The following WWOX variants were observed in gnomAD, a reference collection of about 807,000 sequenced individuals.
WWOX encodes WW domain-containing oxidoreductase.
In WWOX, 69 loss-of-function variants were observed where a neutral mutation model predicts 46.2. That is an observed-to-expected ratio of 1.49 (90% CI 1.23 to 1.82). The LOEUF (loss-of-function observed/expected upper bound fraction) is 1.82. WWOX is among the 40% of genes most tolerant of loss of function. The pLI, the probability that WWOX is intolerant of heterozygous loss-of-function variation, is 0.00. For synonymous variants in WWOX, 359 were observed against 202.6 expected, an observed-to-expected ratio of 1.77 and a Z score of -6.56; for missense variants, 919 against 542.6, an observed-to-expected ratio of 1.69 and a Z score of -6.89.
intron 8 of WWOX, among the ~76,000 whole-genome samples, chr16:78,588,709 C>T (rs1317602496): frequency 6.6e-6 from 1 of 152,160 alleles, no homozygotes; most frequent in Non-Finnish European, 1.5e-5. Flanking sequence ...TTAACATCTG[C>T]TAAGAGTATG....
chr16:78,898,350 T>C (rs549877295), intron 8 of WWOX: 2 of 152,278 alleles, frequency 1.3e-5, no homozygotes, highest in East Asian at 3.9e-4. Context: ...GGTTTATTTT[T>C]CTCTCCATAA....
At chr16:78,859,114 G>A (rs1161049313) in intron 8 of WWOX, among the ~76,000 whole-genome samples, 4 of 133,818 alleles carry the variant, frequency 3.0e-5, no homozygotes, top group South Asian at 2.6e-4. Context: ...AACTATAATC[G>A]ATGAAGTGGC....
At chr16:78,226,207 G>C (rs1171366692) in intron 5 of WWOX, among the ~76,000 whole-genome samples, 1 of 152,008 alleles carries the variant, frequency 6.6e-6, no homozygotes, top group African/African-American at 2.4e-5. Context: ...CTCTAATTCT[G>C]CCCTCTCCAG....
intron 8 of WWOX, among the ~76,000 whole-genome samples, chr16:79,172,390 C>G (rs771236098): frequency 2.6e-5 from 4 of 152,146 alleles, no homozygotes; most frequent in Non-Finnish European, 4.4e-5. Context: ...AAACCTGTAT[C>G]TGAGTCACTT....
intron 8 of WWOX, among the ~76,000 whole-genome samples, chr16:79,034,838 G>C (rs1303690753): frequency 6.6e-6 from 1 of 152,112 alleles, no homozygotes; most frequent in African/African-American, 2.4e-5. Flanking sequence ...CTCCCGAGTA[G>C]TGTATTAGGC....
At chr16:78,617,444 C>G (rs1414646939) in intron 8 of WWOX, among the ~76,000 whole-genome samples, 1 of 151,194 alleles carries the variant, frequency 6.6e-6, no homozygotes, top group Non-Finnish European at 1.5e-5. Flanking sequence ...GGCTTTGCTG[C>G]TTTGCCTAAG....
chr16:78,731,896 G>A (rs576487058), intron 8 of WWOX, among the ~76,000 whole-genome samples: 11 of 138,872 alleles, frequency 7.9e-5, no homozygotes, highest in Non-Finnish European at 1.4e-4. Flanking sequence ...AGCCCAAGCT[G>A]GAGTGCAGTG....
chr16:78,561,502 C>T (rs1483657948), intron 8 of WWOX, among the ~76,000 whole-genome samples: 4 of 151,988 alleles, frequency 2.6e-5, no homozygotes, highest in Non-Finnish European at 5.9e-5. Flanking sequence ...TGAATTGACT[C>T]AGTAACTGGA....
chr16:78,152,501 C>T (rs989563819), intron 4 of WWOX, among the ~76,000 whole-genome samples: 28 of 152,252 alleles, frequency 1.8e-4, no homozygotes, highest in African/African-American at 6.3e-4. Flanking sequence ...CATTTCCTAT[C>T]CCCCATCCCT....
At chr16:78,672,565 C>G (rs947159496) in intron 8 of WWOX, among the ~76,000 whole-genome samples, 1 of 152,230 alleles carries the variant, frequency 6.6e-6, no homozygotes, top group African/African-American at 2.4e-5. Context: ...GAAGTCATTG[C>G]ATCTCCAAAC....
chr16:78,360,014 G>T (rs1479331686), intron 5 of WWOX, among the ~76,000 whole-genome samples: 1 of 152,110 alleles, frequency 6.6e-6, no homozygotes, highest in Non-Finnish European at 1.5e-5. Context: ...CAGAATTTTG[G>T]ATTTCAGGAA....
At chr16:78,563,239 C>G (rs2044481444) in intron 8 of WWOX, among the ~76,000 whole-genome samples, 1 of 152,164 alleles carries the variant, frequency 6.6e-6, no homozygotes, top group South Asian at 2.1e-4. Context: ...AACACTTTGA[C>G]AATACTTTCC....
intron 8 of WWOX, among the ~76,000 whole-genome samples, chr16:78,788,768 C>T (rs1454377166): frequency 6.6e-6 from 1 of 152,174 alleles, no homozygotes; most frequent in Non-Finnish European, 1.5e-5. Context: ...AGCCCCTCAG[C>T]CAGACATTCT....
Position 79,013,283 on chromosome 16 carries a change from C to G in WWOX, c.1057-198325C>G, listed in dbSNP as rs147545630. ...CTTGCCTTTAAAAATAAAATGCATA[C>G]GCCTGTCCTCATGCGCTCTGATCTG... is the stretch of plus-strand genomic sequence containing the variant. On this transcript the variant is annotated intron_variant, in intron 8 of 8. Coordinates refer to ENST00000566780, the MANE Select transcript of WWOX (RefSeq NM_016373.4). 1.3e-5 allele frequency among the ~76,000 whole-genome samples: 2 copies of G among 152,180 alleles called. 1 individual carries two copies. The highest frequency in any genetic ancestry group is 2.9e-5 in the Non-Finnish European group (2 of 67,994).
intron 8 of WWOX, among the ~76,000 whole-genome samples, chr16:78,473,789 C>A (rs189213332): frequency 1.1e-3 from 171 of 152,212 alleles, no homozygotes; most frequent in African/African-American, 4.0e-3. Flanking sequence ...CACCAGTGGT[C>A]CCCTGAATGC....
At chr16:79,162,707 G>A (rs1300401842) in intron 8 of WWOX, among the ~76,000 whole-genome samples, 2 of 152,152 alleles carry the variant, frequency 1.3e-5, no homozygotes, top group Non-Finnish European at 1.5e-5. Context: ...CCGCCTTCCT[G>A]AGTCCCCATT....
At chr16:78,863,165 C>G (rs1027478149) in intron 8 of WWOX, among the ~76,000 whole-genome samples, 1 of 152,008 alleles carries the variant, frequency 6.6e-6, no homozygotes, top group Non-Finnish European at 1.5e-5. Flanking sequence ...ACCATGTTGG[C>G]CAGACTGGTC....
chr16:78,742,195 G>C (rs767581978), intron 8 of WWOX, among the ~76,000 whole-genome samples: 2 of 152,162 alleles, frequency 1.3e-5, no homozygotes, highest in Non-Finnish European at 2.9e-5. Flanking sequence ...CGATAAATCA[G>C]TGTACAAATA....
At chr16:78,343,496 G>A (rs1487743476) in intron 5 of WWOX, among the ~76,000 whole-genome samples, 4 of 120,940 alleles carry the variant, frequency 3.3e-5, no homozygotes, top group African/African-American at 1.1e-4. Context: ...CTCTCATCAT[G>A]TAAGGTGATG....
Sources: gnomAD v4.1 joint callset for allele counts (sites outside exome capture counted in the v4.1 genomes callset) on GRCh38, gnomAD v4.1.1 for gene constraint, MANE v1.5 for transcripts, NCBI Gene and HGNC (gene_info 2026-07-23, HGNC 2026-07-21) for gene names.